Variants in THSD7A observed in about 807,000 individuals in gnomAD.
THSD7A encodes thrombospondin type 1 domain containing 7A, also known as thrombospondin type-1 domain-containing protein 7A.
A neutral mutation model predicts 231.3 loss-of-function variants in THSD7A; 96 were observed. The ratio of observed to expected loss-of-function variants is 0.41; its 90% CI spans 0.35 to 0.49. The LOEUF (loss-of-function observed/expected upper bound fraction) is 0.49. Ranked by LOEUF, THSD7A falls within the 20% of genes least tolerant of loss-of-function variation. The pLI, the probability that THSD7A is intolerant of heterozygous loss-of-function variation, is 0.05. For synonymous variants in THSD7A, 940 were observed against 743.3 expected, an observed-to-expected ratio of 1.26 and a Z score of -4.30; for missense variants, 2,290 against 2,070.2, an observed-to-expected ratio of 1.11 and a Z score of -2.06.
chr7:11,794,577 T>C (rs1051696666), intron 1 of THSD7A, among the ~76,000 whole-genome samples: 2 of 151,972 alleles, frequency 1.3e-5, no homozygotes, highest in Non-Finnish European at 2.9e-5. Flanking sequence ...ATCCACAGCG[T>C]GAAGCAGAAA....
At chr7:11,658,197 A>G (rs1020842867) in intron 1 of THSD7A, among the ~76,000 whole-genome samples, 2 of 151,852 alleles carry the variant, frequency 1.3e-5, no homozygotes, top group African/African-American at 4.8e-5. Context: ...AGGCAATTCA[A>G]ATATAATGTG....
intron 23 of THSD7A, among the ~76,000 whole-genome samples, chr7:11,395,516 T>C (rs1783148592): frequency 6.6e-6 from 1 of 151,172 alleles, no homozygotes; most frequent in Non-Finnish European, 1.5e-5. Context: ...CAACAGAATA[T>C]GCATTCTTTT....
At chr7:11,483,229 T>C (rs986879748) in intron 6 of THSD7A, among the ~76,000 whole-genome samples, 8 of 152,232 alleles carry the variant, frequency 5.3e-5, no homozygotes, top group Non-Finnish European at 1.0e-4. Context: ...TTTATTCATA[T>C]GCTTTAAAAA....
At chr7:11,775,140 G>GA (rs1157054823) in intron 1 of THSD7A, among the ~76,000 whole-genome samples, 82 of 152,132 alleles carry the variant, frequency 5.4e-4, no homozygotes, top group Non-Finnish European at 7.4e-5. Context: ...GTAGTAAAAA[G>GA]AAAAAAGAAA....
intron 17 of THSD7A, 74 bp from the exon 18 acceptor site, chr7:11,412,874 G>A: frequency 1.3e-6 from 2 of 1,514,058 alleles, no homozygotes; most frequent in Non-Finnish European, 1.8e-6. Flanking sequence ...AGACAGCACT[G>A]GAGCAGGAGT....
At chr7:11,494,878 T>C (rs938286319) in intron 6 of THSD7A, among the ~76,000 whole-genome samples, 3 of 152,182 alleles carry the variant, frequency 2.0e-5, no homozygotes, top group African/African-American at 7.2e-5. Context: ...AATATAGTTT[T>C]CTTTTTCTTT....
In THSD7A at chr7:11,801,071, G is replaced by A. The variant is rs372310912; in HGVS notation, c.190+30686C>T. On this transcript the variant is annotated intron_variant, in intron 1 of 27. Transcript: ENST00000423059. ...AATCCTAGCACTTTGGGAGGCTGAG[G>A]TGGGAGGATCTCTTGGGCCCAGGAA... Among the ~76,000 whole-genome samples, 50 of 152,202 alleles carry A rather than the reference G, an allele frequency of 3.3e-4. No individual in the cohort carries two copies. In the East Asian group the frequency reaches 6.8e-3, roughly 21 times the overall value.
chr7:11,799,497 A>G (rs7785550), intron 1 of THSD7A, among the ~76,000 whole-genome samples: 4,714 of 152,284 alleles, frequency 0.031, 247 homozygotes, highest in African/African-American at 0.11. Context: ...CTATTAAATC[A>G]TGTATAACAA....
At chr7:11,568,922 T>C (rs551895671) in intron 4 of THSD7A, among the ~76,000 whole-genome samples, 2 of 151,298 alleles carry the variant, frequency 1.3e-5, no homozygotes, top group Admixed American at 1.3e-4. Flanking sequence ...TGATGGCTTT[T>C]CTATACATCA....
At chr7:11,443,116 T>C (rs149149047) in intron 13 of THSD7A, among the ~76,000 whole-genome samples, 1 of 152,238 alleles carries the variant, frequency 6.6e-6, no homozygotes, top group African/African-American at 2.4e-5. Context: ...GGCTTGCTGA[T>C]GCTCTCATGC....
intron 13 of THSD7A, among the ~76,000 whole-genome samples, chr7:11,429,603 G>A (rs571753627): frequency 6.6e-6 from 1 of 152,274 alleles, no homozygotes; most frequent in African/African-American, 2.4e-5. Context: ...TTAGCATCTT[G>A]CGTTTCTCCT....
chr7:11,515,050 T>C (rs1246414856), intron 6 of THSD7A, among the ~76,000 whole-genome samples: 3 of 152,194 alleles, frequency 2.0e-5, no homozygotes, highest in Admixed American at 6.6e-5. Flanking sequence ...TGATAAATGA[T>C]TTTATGCAAA....
At chr7:11,586,774 C>G (rs993886679) in intron 4 of THSD7A, among the ~76,000 whole-genome samples, 2 of 152,046 alleles carry the variant, frequency 1.3e-5, no homozygotes, top group African/African-American at 2.4e-5. Context: ...GAGTTTTTTA[C>G]TTACCTTTCC....
chr7:11,498,031 G>A (rs549924696), intron 6 of THSD7A, among the ~76,000 whole-genome samples: 4 of 152,252 alleles, frequency 2.6e-5, no homozygotes, highest in South Asian at 4.1e-4. Context: ...CAGAGCAGCC[G>A]CTCAGGCATG....
chr7:11,652,926 G>A (rs572132902), intron 1 of THSD7A, among the ~76,000 whole-genome samples: 9 of 151,946 alleles, frequency 5.9e-5, no homozygotes, highest in Admixed American at 2.0e-4. Context: ...ATAATCAGTA[G>A]GTGATCAGTT....
intron 4 of THSD7A, among the ~76,000 whole-genome samples, chr7:11,565,339 T>C (rs960590363): frequency 6.6e-6 from 1 of 152,208 alleles, no homozygotes; most frequent in African/African-American, 2.4e-5. Flanking sequence ...ACACATTTGC[T>C]GAGCAACTCC....
At chr7:11,714,870 G>C (rs1051047734) in intron 1 of THSD7A, among the ~76,000 whole-genome samples, 2 of 151,308 alleles carry the variant, frequency 1.3e-5, no homozygotes, top group Admixed American at 1.3e-4. Flanking sequence ...AGATTGTTCA[G>C]TGTGGCCATT....
At chr7:11,383,160 C>G (rs1177748655) in intron 23 of THSD7A, among the ~76,000 whole-genome samples, 1 of 151,710 alleles carries the variant, frequency 6.6e-6, no homozygotes, top group Non-Finnish European at 1.5e-5. Context: ...CACATAATTA[C>G]TATATACAGA....
At chr7:11,792,574 C>G (rs1216733569) in intron 1 of THSD7A, among the ~76,000 whole-genome samples, 1 of 151,888 alleles carries the variant, frequency 6.6e-6, no homozygotes, top group Non-Finnish European at 1.5e-5. Context: ...TAGCCTAGCT[C>G]TGATCATTTG....
Sources: allele counts gnomAD v4.1 joint callset (sites outside exome capture counted in the v4.1 genomes callset), GRCh38; gene constraint gnomAD v4.1.1; transcripts MANE v1.5; gene names NCBI Gene and HGNC (gene_info 2026-07-23, HGNC 2026-07-21).